CCSER2: variants seen among roughly 807,000 people sequenced by gnomAD.
CCSER2 encodes the protein serine-rich coiled-coil domain-containing protein 2.
In CCSER2, 46 loss-of-function variants were observed where a neutral mutation model predicts 92.3. That is an observed-to-expected ratio of 0.50 (90% CI 0.39 to 0.64). CCSER2 has a LOEUF of 0.64. CCSER2 is among the 30% of genes least tolerant of loss of function. The pLI is 0.00. For synonymous variants in CCSER2, 433 were observed against 431.4 expected (o/e 1.00, Z -0.04); for missense variants, 1,244 against 1,238.9 (o/e 1.00, Z -0.06).
At chr10:84,356,101 C>T (rs1429101110) in intron 1 of CCSER2, among the ~76,000 whole-genome samples, 1 of 84,070 alleles carries the variant, frequency 1.2e-5, no homozygotes, top group Non-Finnish European at 2.7e-5. Flanking sequence ...GAAACTGTCT[C>T]AAAAAAAAAA....
At chr10:84,438,385 G>A in intron 5 of CCSER2, 127 bp from the exon 6 acceptor site, 1 of 578,340 alleles carries the variant, frequency 1.7e-6, no homozygotes, top group Non-Finnish European at 3.0e-6. Context: ...GAGGTGAGTG[G>A]AAGTCAGAGC....
At chr10:84,440,590 C>T (rs979654515) in intron 6 of CCSER2, among the ~76,000 whole-genome samples, 61 of 152,330 alleles carry the variant, frequency 4.0e-4, no homozygotes, top group African/African-American at 1.2e-3. Flanking sequence ...CTAGAGCTGT[C>T]ATGCAGGGAC....
chr10:84,446,479 T>A (rs1844923774), intron 6 of CCSER2, among the ~76,000 whole-genome samples: 1 of 152,088 alleles, frequency 6.6e-6, no homozygotes, highest in Non-Finnish European at 1.5e-5. Flanking sequence ...CTAAGTGGGG[T>A]TCACCAAGAG....
In CCSER2 at chr10:84,513,880, C is replaced by T. The variant is rs759886598; in HGVS notation, c.2757C>T (p.Ser919=). The T allele has an allele frequency of 1.3e-6, 2 of 1,536,400 alleles. No individual in the cohort carries two copies. Among genetic ancestry groups the T allele is most frequent in the South Asian group, 2.4e-5 (2 of 84,060 alleles). The change falls in exon 10 of 10, where the codon TCC becomes TCT. Residue 919 remains serine (S), a synonymous_variant. Coordinates refer to ENST00000372088, the MANE Select transcript of CCSER2 (RefSeq NM_001284240.2). ...PPVGYMSQPK[S]LQLLKPSILS... ...TGGGTTATATGTCTCAGCCCAAGTC[C>T]TTGCAGCTTTTAAAGCCATCCATAT...
At chr10:84,345,204 A>G (rs943769447) in intron 1 of CCSER2, among the ~76,000 whole-genome samples, 2 of 152,200 alleles carry the variant, frequency 1.3e-5, no homozygotes, top group Non-Finnish European at 2.9e-5. Flanking sequence ...CTAGATTAAG[A>G]AATGAGGAGA....
chr10:84,390,478 C>T (rs1205072516), intron 3 of CCSER2, among the ~76,000 whole-genome samples: 1 of 152,040 alleles, frequency 6.6e-6, no homozygotes, highest in East Asian at 1.9e-4. Flanking sequence ...ATACTGTAGG[C>T]AATTGTAACA....
chr10:84,491,386 A>T (rs1163783348), intron 9 of CCSER2, among the ~76,000 whole-genome samples: 2 of 152,140 alleles, frequency 1.3e-5, no homozygotes, highest in African/African-American at 2.4e-5. Flanking sequence ...GGTGGGCTCC[A>T]CCCAGTTCGA....
chr10:84,484,859 T>G (rs892738939), intron 9 of CCSER2, among the ~76,000 whole-genome samples: 4 of 152,200 alleles, frequency 2.6e-5, no homozygotes, highest in Admixed American at 2.6e-4. Context: ...GTGCTGTGAC[T>G]TTCTTTCATG....
At chr10:84,332,340 C>A (rs1337073545) in intron 1 of CCSER2, among the ~76,000 whole-genome samples, 1 of 146,112 alleles carries the variant, frequency 6.8e-6, no homozygotes, top group Non-Finnish European at 1.5e-5. Context: ...ATATTAATCT[C>A]TTGAAAAACA....
Position 84,516,549 on chromosome 10 carries a change from A to C in CCSER2, c.*2282A>C, listed in dbSNP as rs1241554859. 4 of 152,202 alleles carry C rather than the reference A, an allele frequency of 2.6e-5. No individual in the cohort carries two copies. The highest frequency in any genetic ancestry group is 4.4e-5 in the Non-Finnish European group (3 of 68,030). 9.4% of individuals were successfully genotyped at this position (152,202 alleles called of 1,614,324 possible). A position where few individuals can be genotyped will look rare whatever the true frequency, so the allele number is the denominator to read the frequency against. ...CTTAGTGGTTTTTGGTTTATTTAGA[A>C]GTTGGTTTAGACCCTTATGAAACAT... is the stretch of plus-strand genomic sequence containing the variant. On this transcript the variant is annotated 3_prime_UTR_variant, in exon 10 of 10. Transcript: ENST00000372088.
At chr10:84,365,231 AGGCAACATATATTTTTT>A (rs1235924301) in intron 1 of CCSER2, among the ~76,000 whole-genome samples, 1 of 152,236 alleles carries the variant, frequency 6.6e-6, no homozygotes, top group Non-Finnish European at 1.5e-5. Flanking sequence ...TAGATGATGT[AGGCAACATATATTTTTT>A]CAAATTGTTA....
At chr10:84,457,043 A>G (rs1247667423) in intron 6 of CCSER2, among the ~76,000 whole-genome samples, 1 of 150,270 alleles carries the variant, frequency 6.7e-6, no homozygotes, top group Non-Finnish European at 1.5e-5. Flanking sequence ...GCAACTATGT[A>G]CAATTGTGAG....
chr10:84,495,630 C>T (rs1202438789), intron 9 of CCSER2, among the ~76,000 whole-genome samples: 2 of 152,134 alleles, frequency 1.3e-5, no homozygotes, highest in Non-Finnish European at 2.9e-5. Context: ...CTATACGTTT[C>T]TGCAGTTTGG....
At chr10:84,355,161 TC>T (rs1302341741) in intron 1 of CCSER2, among the ~76,000 whole-genome samples, 2 of 152,246 alleles carry the variant, frequency 1.3e-5, no homozygotes, top group East Asian at 3.9e-4. Context: ...TCAGGTCAGA[TC>T]TTTTTTTTTA....
At chr10:84,342,243 CAG>C (rs1404834291) in intron 1 of CCSER2, among the ~76,000 whole-genome samples, 2 of 152,158 alleles carry the variant, frequency 1.3e-5, no homozygotes, top group African/African-American at 4.8e-5. Flanking sequence ...AGCTATGTGT[CAG>C]GAACCAGGGG....
chr10:84,444,818 G>A (rs999603521), intron 6 of CCSER2, among the ~76,000 whole-genome samples: 3 of 151,988 alleles, frequency 2.0e-5, no homozygotes, highest in African/African-American at 7.3e-5. Flanking sequence ...TTTTATTTGT[G>A]GTTTTACTCA....
chr10:84,429,855 C>T (rs745834111), intron 5 of CCSER2, among the ~76,000 whole-genome samples: 11 of 137,264 alleles, frequency 8.0e-5, no homozygotes, highest in Non-Finnish European at 1.6e-4. Flanking sequence ...TCATTCCTTG[C>T]TTGTCACAAA....
chr10:84,420,873 C>T (rs1303461544), intron 4 of CCSER2, among the ~76,000 whole-genome samples: 2 of 146,948 alleles, frequency 1.4e-5, no homozygotes, highest in African/African-American at 5.1e-5. Context: ...GCAGAGATTG[C>T]AATGAGCCGA....
chr10:84,406,425 A>G (rs184118766), intron 3 of CCSER2, among the ~76,000 whole-genome samples: 154 of 152,330 alleles, frequency 1.0e-3, no homozygotes, highest in Non-Finnish European at 1.9e-3. Context: ...TAAACTAATG[A>G]TGGTGTCATT....
Sources: gnomAD v4.1 joint callset for allele counts (sites outside exome capture counted in the v4.1 genomes callset) on GRCh38, gnomAD v4.1.1 for gene constraint, MANE v1.5 for transcripts, NCBI Gene and HGNC (gene_info 2026-07-23, HGNC 2026-07-21) for gene names.